The following ANO6 variants were observed in gnomAD, a reference collection of about 807,000 sequenced individuals.
ANO6 encodes anoctamin-6.
In ANO6, 106 loss-of-function variants were observed where a neutral mutation model predicts 117.5. The ratio of observed to expected loss-of-function variants is 0.90; its 90% CI spans 0.77 to 1.06. The LOEUF (loss-of-function observed/expected upper bound fraction) is 1.06, where lower values mean the gene tolerates loss of function less well. ANO6 is among the 50% of genes least tolerant of loss of function. The pLI, the probability that ANO6 is intolerant of heterozygous loss-of-function variation, is 0.00. For synonymous variants in ANO6, 367 were observed against 385.1 expected (o/e 0.95, Z 0.55); for missense variants, 955 against 1,121.1 (o/e 0.85, Z 2.12).
chr12:45,259,208 T>TC (rs1323956850), intron 1 of ANO6, among the ~76,000 whole-genome samples: 1 of 152,278 alleles, frequency 6.6e-6, no homozygotes, highest in East Asian at 1.9e-4. Flanking sequence ...TGAGGTGGTG[T>TC]CCCCATGGTG....
At chr12:45,284,877 A>C (rs898247779) in intron 1 of ANO6, among the ~76,000 whole-genome samples, 1 of 152,232 alleles carries the variant, frequency 6.6e-6, no homozygotes, top group Non-Finnish European at 1.5e-5. Context: ...AATTTAAGAC[A>C]TTTAATCCTG....
At chr12:45,247,307 A>G (rs1036461158) in intron 1 of ANO6, among the ~76,000 whole-genome samples, 1 of 152,346 alleles carries the variant, frequency 6.6e-6, no homozygotes, top group African/African-American at 2.4e-5. Context: ...AAGAAGGTGC[A>G]TAAAGACAGC....
chr12:45,388,094 C>T, intron 10 of ANO6, 67 bp from the exon 11 acceptor site: 1 of 1,579,816 alleles, frequency 6.3e-7, no homozygotes, highest in Non-Finnish European at 8.7e-7. Flanking sequence ...TAATATTATT[C>T]AGTACAGATT....
intron 1 of ANO6, among the ~76,000 whole-genome samples, chr12:45,261,170 A>G (rs1228151148): frequency 1.3e-5 from 2 of 152,202 alleles, no homozygotes; most frequent in African/African-American, 2.4e-5. Flanking sequence ...GATTCCAGGC[A>G]TGTGAAGGAC....
chr12:45,379,634 C>A (rs1265495141), intron 10 of ANO6, among the ~76,000 whole-genome samples: 2 of 152,168 alleles, frequency 1.3e-5, no homozygotes, highest in Admixed American at 1.3e-4. Flanking sequence ...TCTAACACAT[C>A]TACTAAACTG....
chr12:45,301,834 A>C (rs557596177), intron 1 of ANO6, among the ~76,000 whole-genome samples, 180 bp from the exon 2 acceptor site: 2 of 152,194 alleles, frequency 1.3e-5, no homozygotes, highest in African/African-American at 4.8e-5. Context: ...GGTAGATCCA[A>C]TAGATGAAAC....
At chr12:45,428,973 C>T (rs1317128201) in intron 19 of ANO6, 132 bp from the exon 20 acceptor site, 4 of 1,003,122 alleles carry the variant, frequency 4.0e-6, no homozygotes, top group African/African-American at 3.2e-5. Flanking sequence ...ATGGCATTAG[C>T]GGTTGGTTGT....
At chr12:45,261,366 C>A (rs142142032) in intron 1 of ANO6, among the ~76,000 whole-genome samples, 1 of 152,148 alleles carries the variant, frequency 6.6e-6, no homozygotes, top group Non-Finnish European at 1.5e-5. Flanking sequence ...CTGGATTGGA[C>A]ACTTGATCTA....
At chr12:45,309,185 T>C (rs1455882594) in intron 2 of ANO6, among the ~76,000 whole-genome samples, 1 of 152,072 alleles carries the variant, frequency 6.6e-6, no homozygotes, top group Admixed American at 6.6e-5. Flanking sequence ...GAAGTGAGGC[T>C]ACTGAGAGGC....
intron 2 of ANO6, among the ~76,000 whole-genome samples, chr12:45,320,495 A>C (rs548187568): frequency 6.6e-6 from 1 of 151,968 alleles, no homozygotes; most frequent in African/African-American, 2.4e-5. Flanking sequence ...AGTTTGTTAT[A>C]ATTTCTGTTC....
At chr12:45,364,691 T>C (rs925472468) in intron 8 of ANO6, among the ~76,000 whole-genome samples, 5 of 152,218 alleles carry the variant, frequency 3.3e-5, no homozygotes, top group African/African-American at 1.2e-4. Context: ...TTTAATTCTT[T>C]AGGTGAGATT....
intron 1 of ANO6, among the ~76,000 whole-genome samples, chr12:45,240,320 G>GT (rs1223686264): frequency 5.5e-5 from 5 of 90,634 alleles, no homozygotes; most frequent in African/African-American, 1.9e-4. Flanking sequence ...TTTAATGTCT[G>GT]TTTTATCAGA....
intron 3 of ANO6, among the ~76,000 whole-genome samples, chr12:45,345,677 T>G (rs1253919574): frequency 1.3e-5 from 2 of 152,214 alleles, no homozygotes; most frequent in Admixed American, 6.5e-5. Context: ...GTGGGTTTTC[T>G]TAGTTCTACA....
chr12:45,440,137 T>C (rs1385912355), exon 20 of ANO6: 1 of 441,734 alleles, frequency 2.3e-6, no homozygotes, highest in African/African-American at 2.0e-5. Context: ...TTGTTGCTAT[T>C]ATTAAAAGTA....
chr12:45,233,071 C>A (rs1000876386), intron 1 of ANO6, among the ~76,000 whole-genome samples: 4 of 152,168 alleles, frequency 2.6e-5, no homozygotes, highest in African/African-American at 9.7e-5. Flanking sequence ...CTCCAGACTT[C>A]TACTCTACTG....
At chr12:45,425,018 G>T (rs1943466916) in intron 19 of ANO6, among the ~76,000 whole-genome samples, 1 of 152,140 alleles carries the variant, frequency 6.6e-6, no homozygotes, top group South Asian at 2.1e-4. Context: ...AACCTCAAGG[G>T]TTTGTTTGAA....
rs1348690541 is a variant in ANO6 at position 45,403,548 on chromosome 12, A to G, written c.1880+12A>G. The stretch of plus-strand genomic sequence containing the variant: ...GAAGTATTATTGCCGTGAGTGTTAA[A>G]TTGTATAGCCATGGGTAAAAGGACA... On this transcript the variant is annotated intron_variant, in intron 15 of 19. Coordinates refer to ENST00000320560, the MANE Select transcript of ANO6 (RefSeq NM_001025356.3). The G allele has an allele frequency of 1.3e-6, 2 of 1,597,080 alleles. No homozygotes were observed. The highest frequency in any genetic ancestry group is 2.2e-5 in the East Asian group (1 of 44,778).
intron 1 of ANO6, among the ~76,000 whole-genome samples, chr12:45,273,462 CT>C (rs1010264343): frequency 6.6e-6 from 1 of 152,168 alleles, no homozygotes; most frequent in Non-Finnish European, 1.5e-5. Flanking sequence ...ATAATTTGCT[CT>C]TTTCGTTTGA....
chr12:45,407,115 T>C (rs979988892), intron 15 of ANO6, among the ~76,000 whole-genome samples: 1 of 152,082 alleles, frequency 6.6e-6, no homozygotes, highest in Non-Finnish European at 1.5e-5. Flanking sequence ...CACAGACCAA[T>C]AGAAAACCCA....
Sources: allele counts gnomAD v4.1 joint callset (sites outside exome capture counted in the v4.1 genomes callset), GRCh38; gene constraint gnomAD v4.1.1; transcripts MANE v1.5; gene names NCBI Gene and HGNC (gene_info 2026-07-23, HGNC 2026-07-21).